FRMD6: variants seen among roughly 807,000 people sequenced by gnomAD.
FRMD6 encodes FERM domain containing 6, also known as FERM domain-containing protein 6.
FRMD6 carries 37 observed loss-of-function variants against 73.2 expected under a neutral mutation model. That is an observed-to-expected ratio of 0.51 (90% CI 0.39 to 0.66). FRMD6 has a LOEUF of 0.66. Among genes scored for constraint, FRMD6 ranks in the 30% least tolerant of loss-of-function variants. The pLI is 0.00. For synonymous variants in FRMD6, 273 were observed against 282.2 expected, an observed-to-expected ratio of 0.97 and a Z score of 0.33; for missense variants, 714 against 780.5, an observed-to-expected ratio of 0.91 and a Z score of 1.02.
At chr14:51,570,085 G>A (rs1459363497) in intron 1 of FRMD6, among the ~76,000 whole-genome samples, 1 of 152,136 alleles carries the variant, frequency 6.6e-6, no homozygotes, top group Admixed American at 6.5e-5. Context: ...AAAGTGCTGG[G>A]ATTACAGACG....
chr14:51,474,352 A>G, the FRMD6 span, among the ~76,000 whole-genome samples: 1 of 152,246 alleles, frequency 6.6e-6, no homozygotes, highest in African/African-American at 2.4e-5. Flanking sequence ...CATTATGCTT[A>G]GATAACAGAG....
At chr14:51,670,695 G>A (rs1275817168) in intron 1 of FRMD6, among the ~76,000 whole-genome samples, 1 of 151,304 alleles carries the variant, frequency 6.6e-6, no homozygotes, top group South Asian at 2.1e-4. Flanking sequence ...ACCTAGGCTG[G>A]AGTGCAGTGG....
chr14:51,671,941 G>A (rs911639897), intron 1 of FRMD6, among the ~76,000 whole-genome samples: 2 of 152,118 alleles, frequency 1.3e-5, no homozygotes, highest in Non-Finnish European at 1.5e-5. Flanking sequence ...AATTTAATTC[G>A]AGCAAACTTT....
chr14:51,407,802 C>T, the FRMD6 span, among the ~76,000 whole-genome samples: 1 of 152,044 alleles, frequency 6.6e-6, no homozygotes, highest in African/African-American at 2.4e-5. Flanking sequence ...TGATTTCTAA[C>T]TTAATTGCCT....
rs914218556 is a variant in FRMD6, at chr14:51,667,574, A to C, written c.-147+15578A>C. 3.9e-5 allele frequency among the ~76,000 whole-genome samples: 6 copies of C among 152,186 alleles called. No individual in the cohort carries two copies. The South Asian group carries it at 1.2e-3, about 32-fold the overall frequency. On this transcript the variant is annotated intron_variant, in intron 1 of 13. Coordinates refer to ENST00000344768, the MANE Select transcript of FRMD6 (RefSeq NM_001267046.2). ...AGTTAATTTTTTGCATAGTTTAGTG[A>C]CATACTGAAACAAAGGTCAGCTGCA...
chr14:51,661,148 G>C (rs950452970), intron 1 of FRMD6, among the ~76,000 whole-genome samples: 3 of 152,158 alleles, frequency 2.0e-5, no homozygotes, highest in African/African-American at 7.2e-5. Flanking sequence ...TAGGAATCTG[G>C]AATTTAGGGA....
chr14:51,610,379 GAA>G (rs1353380330), intron 2 of FRMD6, among the ~76,000 whole-genome samples: 1 of 147,574 alleles, frequency 6.8e-6, no homozygotes. Context: ...CTTGCAAACA[GAA>G]AAAGAGATAA....
intron 2 of FRMD6, among the ~76,000 whole-genome samples, chr14:51,600,997 T>C (rs1890004988): frequency 6.6e-6 from 1 of 152,236 alleles, no homozygotes; most frequent in Non-Finnish European, 1.5e-5. Flanking sequence ...CAAAGATTTT[T>C]GGGCAGCAAT....
intron 1 of FRMD6, among the ~76,000 whole-genome samples, chr14:51,545,365 G>T (rs1379323170): frequency 6.6e-6 from 1 of 152,052 alleles, no homozygotes; most frequent in South Asian, 2.1e-4. Flanking sequence ...TAGTACAAAC[G>T]GGTTTACAAA....
At chr14:51,585,960 T>TATATATATATATATATATAAAA (rs369811499) in intron 2 of FRMD6, among the ~76,000 whole-genome samples, 3 of 91,320 alleles carry the variant, frequency 3.3e-5, no homozygotes, top group African/African-American at 7.2e-5. Flanking sequence ...TATATATATA[T>TATATATATATATATATATAAAA]AACATTTTCT....
intron 2 of FRMD6, among the ~76,000 whole-genome samples, chr14:51,605,626 G>A (rs1241274662): frequency 2.0e-5 from 3 of 152,082 alleles, no homozygotes; most frequent in Admixed American, 6.5e-5. Flanking sequence ...ACTTCAGGGA[G>A]GTGTCATGCC....
At chr14:51,457,613 A>G in the FRMD6 span, among the ~76,000 whole-genome samples, 1 of 152,188 alleles carries the variant, frequency 6.6e-6, no homozygotes, top group Admixed American at 6.5e-5. Context: ...GCTTTCTAAG[A>G]TGCCCCAGTT....
intron 2 of FRMD6, among the ~76,000 whole-genome samples, chr14:51,611,261 T>C (rs991459466): frequency 6.6e-6 from 1 of 152,202 alleles, no homozygotes; most frequent in Non-Finnish European, 1.5e-5. Flanking sequence ...TTATGGGGTC[T>C]TATTTTACCA....
chr14:51,445,005 A>C, the FRMD6 span, among the ~76,000 whole-genome samples: 1 of 152,208 alleles, frequency 6.6e-6, no homozygotes, highest in African/African-American at 2.4e-5. Context: ...AGGAGCCTGG[A>C]AATGGCTCAA....
intron 13 of FRMD6, 80 bp downstream of exon 13, chr14:51,725,950 T>A: frequency 2.1e-6 from 2 of 946,586 alleles, no homozygotes; most frequent in Non-Finnish European, 3.4e-6. Context: ...TTTATACAAA[T>A]GAGCAAAAAT....
intron 1 of FRMD6, among the ~76,000 whole-genome samples, chr14:51,558,416 C>T (rs981002091): frequency 2.0e-5 from 3 of 150,270 alleles, no homozygotes; most frequent in Non-Finnish European, 3.0e-5. Context: ...TGCAGTGAGC[C>T]GAGATTGCAC....
intron 10 of FRMD6, 85 bp from the exon 11 acceptor site, chr14:51,719,970 T>C: frequency 7.2e-6 from 7 of 978,372 alleles, no homozygotes; most frequent in Non-Finnish European, 1.1e-5. Context: ...TTTGAAGTTA[T>C]CCTTGTTCTT....
the FRMD6 span, among the ~76,000 whole-genome samples, chr14:51,419,957 AC>A: frequency 3.3e-5 from 5 of 151,394 alleles, no homozygotes; most frequent in Admixed American, 3.3e-4. Context: ...TGGTCATGGG[AC>A]TTCCTGCCCT....
At chr14:51,462,935 A>T in the FRMD6 span, among the ~76,000 whole-genome samples, 1 of 152,188 alleles carries the variant, frequency 6.6e-6, no homozygotes, top group East Asian at 1.9e-4. Context: ...TAACTGAATC[A>T]CTTGGTGGCT....
Sources: gnomAD v4.1 joint callset for allele counts (sites outside exome capture counted in the v4.1 genomes callset) on GRCh38, gnomAD v4.1.1 for gene constraint, MANE v1.5 for transcripts, NCBI Gene and HGNC (gene_info 2026-07-23, HGNC 2026-07-21) for gene names.